Variants in AGGF1 observed in about 807,000 individuals in gnomAD.
AGGF1 encodes the protein angiogenic factor with G-patch and FHA domains 1.
A neutral mutation model predicts 86.5 loss-of-function variants in AGGF1; 56 were observed. The ratio of observed to expected loss-of-function variants is 0.65; its 90% confidence interval spans 0.52 to 0.81. The LOEUF (loss-of-function observed/expected upper bound fraction) is 0.81, where lower values mean the gene tolerates loss of function less well. AGGF1 is among the 30% of genes least tolerant of loss of function. The pLI is 0.00. For missense variants in AGGF1, 816 were observed against 850.9 expected (o/e 0.96, Z 0.51); for synonymous variants, 313 against 297.1 (o/e 1.05, Z -0.55).
At chr5:77,045,421 T>C (rs1027723239) in intron 5 of AGGF1, among the ~76,000 whole-genome samples, 1 of 152,130 alleles carries the variant, frequency 6.6e-6, no homozygotes, top group Non-Finnish European at 1.5e-5. Context: ...AAACTTCATG[T>C]TGTACATGAT....
At chr5:77,045,013 C>T (rs1311263481) in intron 5 of AGGF1, among the ~76,000 whole-genome samples, 1 of 150,472 alleles carries the variant, frequency 6.6e-6, no homozygotes, top group Non-Finnish European at 1.5e-5. Context: ...TGGAGCGAGC[C>T]GAGATCGCGC....
In AGGF1 at chr5:77,048,180, C is replaced by T. The variant is rs377647102; in HGVS notation, c.1221C>T (p.Pro407=). 3 of 1,612,654 alleles carry T rather than the reference C, an allele frequency of 1.9e-6. No homozygotes were observed. The highest frequency in any genetic ancestry group is 2.7e-5 in the African/African-American group (2 of 74,840). Residue 407 remains proline (P), a synonymous_variant, in exon 7 of 14, where the codon CCC becomes CCT. Transcript: ENST00000312916. ...TGGCAGATGAAGACAAAATTTGGCC[C>T]CCATGTATTAGAGTAATTGTCATTA... The part of the protein sequence containing the change: ...SEDEDEDKIW[P]PCIRVIVIRS...
intron 8 of AGGF1, among the ~76,000 whole-genome samples, chr5:77,050,455 A>G (rs945240795): frequency 2.0e-4 from 31 of 151,964 alleles, no homozygotes; most frequent in Non-Finnish European, 1.2e-4. Flanking sequence ...AGCTAGCACT[A>G]TAGGCACACA....
chr5:77,051,029 G>A (rs76687242), intron 8 of AGGF1, among the ~76,000 whole-genome samples: 4,943 of 152,110 alleles, frequency 0.032, 254 homozygotes, highest in East Asian at 0.28. Flanking sequence ...TTTGGAATAG[G>A]GTTTGGCAGT....
intron 1 of AGGF1, among the ~76,000 whole-genome samples, chr5:77,032,259 A>AAAAAC (rs748931473): frequency 7.6e-5 from 8 of 105,276 alleles, no homozygotes; most frequent in East Asian, 5.4e-4. Context: ...TGGTAAAAAA[A>AAAAAC]AAAAAAAAAA....
At chr5:77,031,351 T>G (rs1041645448) in intron 1 of AGGF1, among the ~76,000 whole-genome samples, 2 of 152,186 alleles carry the variant, frequency 1.3e-5, no homozygotes, top group African/African-American at 4.8e-5. Context: ...TGTGTGAACT[T>G]ATATACCGAG....
rs770623216 is a variant in AGGF1, at chr5:77,030,910, G to A, written c.144G>A (p.Lys48=). The A allele has an allele frequency of 6.2e-7, 1 of 1,613,380 alleles. No homozygotes were observed. The highest frequency in any genetic ancestry group is 8.5e-7 in the Non-Finnish European group (1 of 1,180,018). ...SCKRQVREIE[K]LLHHTERLYQ... ...AGCGGCAGGTGCGGGAGATCGAGAAGCTGCTGCATCACACAGAACGGCTGT... is the reference window on the plus strand; with the variant it reads ...AGCGGCAGGTGCGGGAGATCGAGAAACTGCTGCATCACACAGAACGGCTGT... The change falls in exon 1 of 14, where the codon AAG becomes AAA. Residue 48 remains lysine (K), a synonymous_variant. Coordinates refer to ENST00000312916, the MANE Select transcript of AGGF1 (RefSeq NM_018046.5).
chr5:77,052,095 G>A (rs2150733296), intron 8 of AGGF1, among the ~76,000 whole-genome samples: 1 of 152,312 alleles, frequency 6.6e-6, no homozygotes, highest in East Asian at 1.9e-4. Context: ...GCTCATGCTT[G>A]TAATCCCAGC....
chr5:77,034,458 A>G lies in AGGF1; in HGVS notation c.251A>G (p.Glu84Gly). The change falls in exon 2 of 14, where the codon GAA becomes GGA. Residue 84 changes from glutamate to glycine, a missense_variant. Around this residue, in one of 3 missense-constraint regions of AGGF1, gnomAD observed 240 missense variants for 234.4 expected, o/e 1.02. Coordinates refer to ENST00000312916, the MANE Select transcript of AGGF1 (RefSeq NM_018046.5). The part of the protein sequence containing the change: ...LSKILQRGRN[E>G]DNKKSDVEVQ... The stretch of plus-strand genomic sequence containing the variant: ...AAAATACTCCAACGTGGGAGAAATG[A>G]AGATAATAAAAAGTCTGATGTAGAA... The G allele has an allele frequency of 6.2e-7, 1 of 1,613,628 alleles. No homozygotes were observed. Among genetic ancestry groups the G allele is most frequent in the Non-Finnish European group, 8.5e-7 (1 of 1,179,642 alleles).
intron 11 of AGGF1, among the ~76,000 whole-genome samples, chr5:77,056,349 C>A (rs1402711725): frequency 6.6e-6 from 1 of 151,330 alleles, no homozygotes; most frequent in East Asian, 1.9e-4. Flanking sequence ...CTGCCTCAGC[C>A]TGACAAGCAG....
At chr5:77,062,923 C>A in intron 13 of AGGF1, 129 bp from the exon 14 acceptor site, 1 of 854,036 alleles carries the variant, frequency 1.2e-6, no homozygotes, top group Non-Finnish European at 2.0e-6. Flanking sequence ...GTATTTGATG[C>A]ATCTGACAGG....
chr5:77,033,808 C>G (rs1040761644), intron 1 of AGGF1, among the ~76,000 whole-genome samples: 6 of 152,178 alleles, frequency 3.9e-5, no homozygotes, highest in Admixed American at 6.5e-5. Flanking sequence ...CAGCATGTTA[C>G]TTGCTTTTGG....
chr5:77,043,489 A>T (rs1580128314), intron 5 of AGGF1, among the ~76,000 whole-genome samples: 2 of 99,372 alleles, frequency 2.0e-5, no homozygotes, highest in Admixed American at 1.1e-4. Context: ...CGGAGGGCTG[A>T]CCCCCCCACC....
Position 77,041,584 on chromosome 5 carries a change from A to AAAG in AGGF1, c.870+1872_870+1874dup, listed in dbSNP as rs1327255078. Among the ~76,000 whole-genome samples, 127 of 148,764 alleles carry AAAG rather than the reference A, an allele frequency of 8.5e-4. 2 individuals carry two copies. Among genetic ancestry groups the AAAG allele is most frequent in the Non-Finnish European group, 1.2e-3 (83 of 66,958 alleles). On this transcript the variant is annotated intron_variant, in intron 5 of 13. Coordinates refer to ENST00000312916, the MANE Select transcript of AGGF1 (RefSeq NM_018046.5). ...TCCATCTCAAAAAAAAAAAAAAAAA[A>AAAG]AAGAAGAAGGCTAGGTTGTGAAAGC...
chr5:77,061,162 T>A (rs1349662753), intron 12 of AGGF1, among the ~76,000 whole-genome samples: 1 of 152,230 alleles, frequency 6.6e-6, no homozygotes, highest in African/African-American at 2.4e-5. Context: ...AATACACATT[T>A]CTTGGACAAG....
Position 77,048,995 on chromosome 5 carries a change from CTTTGA to C in AGGF1, c.1365+12_1365+16del. On this transcript the variant is annotated intron_variant, in intron 8 of 13. Transcript: ENST00000312916. ...GAAGTTGGTGTCAGTAAGGTAAGCT[CTTTGA>C]TTTATCAAATATAGTCCCCTAGATG... 2.5e-6 allele frequency: 4 copies of C among 1,612,936 alleles called. No individual in the cohort carries two copies. Among genetic ancestry groups the C allele is most frequent in the Non-Finnish European group, 3.4e-6 (4 of 1,179,254 alleles).
At position 77,035,643 on chromosome 5, in the gene AGGF1, C is replaced by T. The variant is rs766055574; in HGVS notation, c.416C>T (p.Ser139Phe). 1 of 1,613,524 alleles carries T rather than the reference C, an allele frequency of 6.2e-7. No individual in the cohort carries two copies. The highest frequency in any genetic ancestry group is 8.5e-7 in the Non-Finnish European group (1 of 1,179,636). The part of the protein sequence containing the change: ...DQAIETSILN[S>F]KDHLQVENDA... ...GCTATCGAAACTTCTATTTTGAATT[C>T]TAAAGACCATTTACAAGTAGAAAAT... is the stretch of plus-strand genomic sequence containing the variant. The change falls in exon 3 of 14, where the codon TCT becomes TTT. Residue 139 changes from serine to phenylalanine, a missense_variant. By Grantham distance (155) the Ser-to-Phe change is radical (BLOSUM62 -2). Coordinates refer to ENST00000312916, the MANE Select transcript of AGGF1 (RefSeq NM_018046.5).
At chr5:77,035,024 T>A (rs527397795) in intron 2 of AGGF1, among the ~76,000 whole-genome samples, 2 of 152,360 alleles carry the variant, frequency 1.3e-5, no homozygotes, top group African/African-American at 4.8e-5. Flanking sequence ...TTGCCTTGCT[T>A]CAGTCAGGAC....
chr5:77,034,919 C>T (rs1365594472), intron 2 of AGGF1, among the ~76,000 whole-genome samples: 1 of 152,184 alleles, frequency 6.6e-6, no homozygotes, highest in East Asian at 1.9e-4. Context: ...CCACCATGGC[C>T]TTATGAATGG....
Sources: gnomAD v4.1 joint callset for allele counts (sites outside exome capture counted in the v4.1 genomes callset) on GRCh38, gnomAD v4.1.1 for gene constraint, gnomAD v4.1.1 regional missense constraint, MANE v1.5 for transcripts, NCBI Gene and HGNC (gene_info 2026-07-23, HGNC 2026-07-21) for gene names.